CCDC33: variants seen among roughly 807,000 people sequenced by gnomAD.
CCDC33 encodes the protein coiled-coil domain containing 33.
Under a neutral mutation model 91.9 loss-of-function variants are expected in CCDC33, and 94 were observed. The ratio of observed to expected loss-of-function variants is 1.02; its 90% CI spans 0.87 to 1.21. The LOEUF is 1.21. Ranked by LOEUF, CCDC33 falls within the 50% of genes most tolerant of loss-of-function variation. The pLI, the probability that CCDC33 is intolerant of heterozygous loss-of-function variation, is 0.00. For synonymous variants in CCDC33, 396 were observed against 374.5 expected (o/e 1.06, Z -0.66); for missense variants, 940 against 935.5 (o/e 1.00, Z -0.06).
In CCDC33 at chr15:74,330,754, G is replaced by C. The variant is rs2060414655; in HGVS notation, c.1545+3G>C. The C allele has an allele frequency of 6.2e-7, 1 of 1,612,476 alleles. No homozygotes were observed. The highest frequency in any genetic ancestry group is 1.1e-5 in the South Asian group (1 of 91,048). ...ATTTGCAGAATGAGCTGATTCGAGTGAGCTGGGGCTTGTGGGGGCAGAGGG... is the reference window on the plus strand; with the variant it reads ...ATTTGCAGAATGAGCTGATTCGAGTCAGCTGGGGCTTGTGGGGGCAGAGGG... On this transcript the variant is annotated splice_donor_region_variant and intron_variant, in intron 13 of 18. Transcript: ENST00000398814.
intron 9 of CCDC33, among the ~76,000 whole-genome samples, chr15:74,281,095 C>G (rs1413281860): frequency 1.3e-5 from 2 of 152,238 alleles, no homozygotes; most frequent in Admixed American, 6.5e-5. Context: ...GGCTTTCAGC[C>G]AGCCAGACCC....
intron 16 of CCDC33, among the ~76,000 whole-genome samples, chr15:74,333,499 G>T (rs571392760): frequency 1.9e-4 from 29 of 152,332 alleles, no homozygotes; most frequent in African/African-American, 6.7e-4. Context: ...GGTGAGTTCT[G>T]TTGAAAGCAC....
At chr15:74,288,865 T>C (rs1391844125) in intron 10 of CCDC33, among the ~76,000 whole-genome samples, 1 of 152,186 alleles carries the variant, frequency 6.6e-6, no homozygotes, top group Non-Finnish European at 1.5e-5. Context: ...ATCTTAGCCA[T>C]CCTGAGTTTC....
At chr15:74,247,443 C>A (rs1483832064) in intron 2 of CCDC33, among the ~76,000 whole-genome samples, 1 of 151,794 alleles carries the variant, frequency 6.6e-6, no homozygotes. Flanking sequence ...TATACACACA[C>A]AATTATATAT....
intron 11 of CCDC33, among the ~76,000 whole-genome samples, chr15:74,319,286 G>A (rs1021558155): frequency 5.9e-5 from 9 of 152,242 alleles, no homozygotes; most frequent in Admixed American, 5.2e-4. Flanking sequence ...GCTTCGGGTC[G>A]TTCGACAGCT....
At position 74,269,743 on chromosome 15, in the gene CCDC33, C is replaced by T. The variant is rs1030882234; in HGVS notation, c.546+1285C>T. ...CCTTCTCTGGCTCACAGCACCCTGCCCACTCTCCTGCCCCAGCACAGATGC... is the reference window on the plus strand; with the variant it reads ...CCTTCTCTGGCTCACAGCACCCTGCTCACTCTCCTGCCCCAGCACAGATGC... On this transcript the variant is annotated intron_variant, in intron 5 of 18. Coordinates refer to ENST00000398814, the MANE Select transcript of CCDC33 (RefSeq NM_025055.5). Among the ~76,000 whole-genome samples the T allele has an allele frequency of 7.0e-4, 107 of 152,222 alleles. 1 individual carries two copies. Among genetic ancestry groups the T allele is most frequent in the African/African-American group, 2.5e-3 (103 of 41,506 alleles).
At chr15:74,232,180 CAGGACA>C (rs1205761291), upstream of CCDC33, among the ~76,000 whole-genome samples, 1 of 152,134 alleles carries the variant, frequency 6.6e-6, no homozygotes, top group Non-Finnish European at 1.5e-5. Context: ...GCAGTAATAC[CAGGACA>C]TCAGGCGGGG....
chr15:74,297,295 C>A lies in CCDC33; in HGVS notation c.1290+1347C>A, dbSNP rs151286417. Reference sequence around the variant, plus strand: ...TAAACTGCATTGAAAATAAAGAAACCCTGTCTTTGGAGATTTGGGGCAGCA... The same window carrying A: ...TAAACTGCATTGAAAATAAAGAAACACTGTCTTTGGAGATTTGGGGCAGCA... On this transcript the variant is annotated intron_variant, in intron 11 of 18. Coordinates refer to ENST00000398814, the MANE Select transcript of CCDC33 (RefSeq NM_025055.5). Among the ~76,000 whole-genome samples, 1,409 of 152,268 alleles carry A rather than the reference C, an allele frequency of 9.3e-3. 16 individuals carry two copies. Among genetic ancestry groups the A allele is most frequent in the Middle Eastern group, 0.051 (15 of 294 alleles).
chr15:74,217,176 C>A (rs2074465870), upstream of CCDC33: 1 of 947,138 alleles, frequency 1.1e-6, no homozygotes, highest in Non-Finnish European at 1.4e-6. Flanking sequence ...GGGAGTGTCC[C>A]TGAGCACCCA....
At chr15:74,209,740 G>C (rs562755960) in intron 2 of CCDC33, 96 of 385,700 alleles carry the variant, frequency 2.5e-4, no homozygotes, top group African/African-American at 1.7e-3. Context: ...CTTCCTAGAG[G>C]GGGTATCCTG....
chr15:74,335,535 G>C (rs1434480263), intron 18 of CCDC33: 1 of 360,252 alleles, frequency 2.8e-6, no homozygotes, highest in Non-Finnish European at 5.1e-6. Flanking sequence ...AACTTCCCGA[G>C]AACAAACAGG....
rs890646688 is a variant in CCDC33, at chr15:74,314,531, G to C, written c.1291-15658G>C. ...AAATGCAAACACACATTTCAGGGGT[G>C]GGGGGCACAGAGCAGGGGGCTTTAA... On this transcript the variant is annotated intron_variant, in intron 11 of 18. Transcript: ENST00000398814. Among the ~76,000 whole-genome samples, 3 of 152,302 alleles carry C rather than the reference G, an allele frequency of 2.0e-5. No individual in the cohort carries two copies. The South Asian group carries it at 6.2e-4, about 32-fold the overall frequency.
At chr15:74,253,846 G>T (rs2075783938) in intron 2 of CCDC33, among the ~76,000 whole-genome samples, 1 of 152,092 alleles carries the variant, frequency 6.6e-6, no homozygotes, top group Admixed American at 6.5e-5. Context: ...GGCATGGGTT[G>T]TCAACCCTCT....
At chr15:74,231,314 C>T (rs1184708184) in intron 2 of CCDC33, among the ~76,000 whole-genome samples, 1 of 152,194 alleles carries the variant, frequency 6.6e-6, no homozygotes, top group Non-Finnish European at 1.5e-5. Context: ...CCCTGCAGCC[C>T]CTCTGTGCTG....
At position 74,244,058 on chromosome 15, in the gene CCDC33, CTAA is replaced by C. The variant is rs201189801; in HGVS notation, c.96_98del (p.Lys34del). On this transcript the variant is annotated inframe_deletion, in exon 2 of 19. Coordinates refer to ENST00000398814, the MANE Select transcript of CCDC33 (RefSeq NM_025055.5). This position sits in a 1 kb window ranked among gnomAD's most constrained non-coding sequence, Gnocchi z 4.2. ...CCTGAGATCGGTCACCTGTCTCCCT[CTAA>C]GAAGGAGACCATCATGGTCACCCTC... 2.4e-5 allele frequency: 38 copies of C among 1,570,352 alleles called. No homozygotes were observed. Among genetic ancestry groups the C allele is most frequent in the Non-Finnish European group, 3.0e-5 (35 of 1,152,714 alleles).
chr15:74,235,516 C>T (rs1164326679), upstream of CCDC33, among the ~76,000 whole-genome samples: 1 of 152,158 alleles, frequency 6.6e-6, no homozygotes, highest in Non-Finnish European at 1.5e-5. Flanking sequence ...GAACACTGCC[C>T]AGTACCCCAA....
intron 2 of CCDC33, among the ~76,000 whole-genome samples, chr15:74,210,638 G>A (rs939253969): frequency 5.9e-5 from 9 of 152,236 alleles, no homozygotes; most frequent in African/African-American, 2.2e-4. Flanking sequence ...CATACTGCAT[G>A]TGTAATTCTT....
At chr15:74,226,112 T>G (rs1267965267) in intron 2 of CCDC33, among the ~76,000 whole-genome samples, 1 of 152,232 alleles carries the variant, frequency 6.6e-6, no homozygotes, top group Non-Finnish European at 1.5e-5. Flanking sequence ...GGTTGCTGTA[T>G]GTCCAGCCTT....
chr15:74,257,036 G>A (rs764014677), intron 2 of CCDC33, among the ~76,000 whole-genome samples: 2 of 152,238 alleles, frequency 1.3e-5, no homozygotes, highest in African/African-American at 2.4e-5. Context: ...CTGCAGGCAA[G>A]GGCAGGGGAA....
Sources: allele counts gnomAD v4.1 joint callset (sites outside exome capture counted in the v4.1 genomes callset), GRCh38; gene constraint gnomAD v4.1.1; non-coding constraint Gnocchi (gnomAD v3.1); transcripts MANE v1.5; gene names NCBI Gene and HGNC (gene_info 2026-07-23, HGNC 2026-07-21).